Variants in RELL1 observed in about 807,000 individuals in gnomAD.
The protein encoded by RELL1 is RELT-like protein 1.
RELL1 carries 10 observed loss-of-function variants against 23.0 expected under a neutral mutation model. The ratio of observed to expected loss-of-function variants is 0.43; its 90% confidence interval spans 0.27 to 0.74. The LOEUF is 0.74. RELL1 is among the 30% of genes least tolerant of loss of function. The pLI is 0.19. For missense variants in RELL1, 315 were observed against 364.4 expected, an observed-to-expected ratio of 0.86 and a Z score of 1.10; for synonymous variants, 146 against 146.8, an observed-to-expected ratio of 0.99 and a Z score of 0.04.
At chr4:37,597,487 C>T (rs1718894421) in intron 6 of RELL1, among the ~76,000 whole-genome samples, 1 of 152,208 alleles carries the variant, frequency 6.6e-6, no homozygotes, top group African/African-American at 2.4e-5. Flanking sequence ...TCATTCTTTT[C>T]CATTCTCCAA....
rs184891455 is a variant in RELL1, at chr4:37,594,568, G to C, written c.*4-3351C>G. Among the ~76,000 whole-genome samples the C allele has an allele frequency of 5.4e-3, 815 of 152,208 alleles. 3 individuals are homozygous for C. The highest frequency in any genetic ancestry group is 8.7e-3 in the Non-Finnish European group (592 of 68,026). On this transcript the variant is annotated intron_variant, in intron 6 of 6. Transcript: ENST00000314117. ...AGTTAGATTTAACTTTTTACTGGGG[G>C]AAAATGAACTATCATATAAATATGA...
In RELL1 at chr4:37,646,432, C is replaced by T. The variant is rs539065487; in HGVS notation, c.385+936G>A. Among the ~76,000 whole-genome samples the T allele has an allele frequency of 1.4e-4, 22 of 152,118 alleles. No homozygotes were observed. The South Asian group carries it at 2.7e-3, about 19-fold the overall frequency. ...AAGCACAGCAGCAGCTGCCAGTGGA[C>T]GGGGGAGGAGGGAATGGGGAGTGGC... On this transcript the variant is annotated intron_variant, in intron 3 of 6. Coordinates refer to ENST00000454158, the MANE Select transcript of RELL1 (RefSeq NM_001085400.2).
chr4:37,608,501 A>G (rs1166724031), downstream of RELL1, among the ~76,000 whole-genome samples: 2 of 152,220 alleles, frequency 1.3e-5, no homozygotes, highest in Non-Finnish European at 2.9e-5. Context: ...CATTCCCTTA[A>G]GCCCAAGCCT....
At chr4:37,662,615 TC>T (rs1364790403) in intron 1 of RELL1, among the ~76,000 whole-genome samples, 1 of 151,306 alleles carries the variant, frequency 6.6e-6, no homozygotes, top group African/African-American at 2.4e-5. Context: ...AATATTACCA[TC>T]CCTGGCTTCA....
intron 6 of RELL1, among the ~76,000 whole-genome samples, chr4:37,600,007 C>T (rs1443057482): frequency 1.3e-5 from 2 of 152,242 alleles, no homozygotes; most frequent in African/African-American, 4.8e-5. Context: ...CAGTGGCTCA[C>T]GCCTGTAAAC....
intron 1 of RELL1, among the ~76,000 whole-genome samples, chr4:37,662,823 T>C (rs1721401979): frequency 6.7e-6 from 1 of 149,602 alleles, no homozygotes; most frequent in African/African-American, 2.5e-5. Context: ...TGGGAGGAAA[T>C]TAACTCTAGG....
intron 6 of RELL1, among the ~76,000 whole-genome samples, chr4:37,604,828 CACATACACACAG>C (rs1719123164): frequency 1.2e-4 from 9 of 73,290 alleles, no homozygotes; most frequent in African/African-American, 4.5e-4. Context: ...CACAGACACA[CACATACACACAG>C]ACACACACAC....
At chr4:37,610,124 A>G (rs969668979), downstream of RELL1, among the ~76,000 whole-genome samples, 2 of 152,202 alleles carry the variant, frequency 1.3e-5, no homozygotes, top group African/African-American at 2.4e-5. The surrounding 1 kb of genome is among the most constrained non-coding windows in gnomAD (Gnocchi z 4.1). Flanking sequence ...AGAAATTGCC[A>G]CAGCCACCCC....
At chr4:37,638,425 G>C in intron 4 of RELL1, 22 bp downstream of exon 4, 1 of 1,591,072 alleles carries the variant, frequency 6.3e-7, no homozygotes, top group Non-Finnish European at 8.6e-7. Flanking sequence ...GTCGCACTAA[G>C]AAAGAGGGGA....
chr4:37,634,594 A>C (rs1043026630), intron 5 of RELL1, among the ~76,000 whole-genome samples: 2 of 152,242 alleles, frequency 1.3e-5, no homozygotes, highest in Non-Finnish European at 2.9e-5. Context: ...TGGATTCCAT[A>C]AGTGAAATAT....
At position 37,669,507 on chromosome 4, in the gene RELL1, C is replaced by T. The variant is rs1288459489; in HGVS notation, c.88+16693G>A. Among the ~76,000 whole-genome samples the T allele has an allele frequency of 5.3e-5, 8 of 151,964 alleles. No individual in the cohort carries two copies. The South Asian group carries it at 1.7e-3, about 32-fold the overall frequency. On this transcript the variant is annotated intron_variant, in intron 1 of 6. Transcript: ENST00000454158. ...CTGGGAAGTGAGGAGCCCCTCTGCC[C>T]GGCCACCACCCTGTCTGGGAGGTGT... is the stretch of plus-strand genomic sequence containing the variant.
At chr4:37,590,759 TGAG>T (rs1201951766), downstream of RELL1, 1 of 1,613,750 alleles carries the variant, frequency 6.2e-7, no homozygotes, top group South Asian at 1.1e-5. Flanking sequence ...CCCTTCTCTG[TGAG>T]GAGAAGCTGG....
At position 37,590,940 on chromosome 4, in the gene RELL1, G is replaced by A. The variant is rs77303565; in HGVS notation, c.*281C>T. The A allele has an allele frequency of 1.4e-3, 2,311 of 1,614,104 alleles. 17 individuals are homozygous for A. In the African/African-American group the frequency reaches 0.021, roughly 15 times the overall value. The stretch of plus-strand genomic sequence containing the variant: ...TTGTGGACGAGGATGCAGCGGTGGC[G>A]GAGGCCCTTGCAGCTTTAGAAGCTG... On this transcript the variant is annotated 3_prime_UTR_variant, in exon 7 of 7. Coordinates refer to the RELL1 transcript ENST00000314117.
chr4:37,650,461 G>A (rs912175364), intron 1 of RELL1, among the ~76,000 whole-genome samples: 2 of 152,130 alleles, frequency 1.3e-5, no homozygotes, highest in African/African-American at 4.8e-5. Context: ...CTTGAGGCTC[G>A]TATATGATGG....
At position 37,619,862 on chromosome 4, in the gene RELL1, C is replaced by T. The variant is rs902571846; in HGVS notation, c.*4-6520G>A. ...CTGGGATTACAGGTGTGAGCTACCT[C>T]CTCATTTTGGATGTGAGTTATATGG... On this transcript the variant is annotated intron_variant, in intron 6 of 6. Transcript: ENST00000454158. Among the ~76,000 whole-genome samples the T allele has an allele frequency of 1.2e-4, 18 of 152,332 alleles. No homozygotes were observed. The East Asian group carries it at 2.5e-3, about 21-fold the overall frequency.
At chr4:37,609,646 A>C (rs757754484), downstream of RELL1, among the ~76,000 whole-genome samples, 16 of 152,232 alleles carry the variant, frequency 1.1e-4, no homozygotes, top group Non-Finnish European at 1.6e-4. Context: ...AGGAGGTAAA[A>C]ATAGAGACAT....
At chr4:37,607,047 A>C (rs1004109560), downstream of RELL1, among the ~76,000 whole-genome samples, 1 of 152,198 alleles carries the variant, frequency 6.6e-6, no homozygotes, top group African/African-American at 2.4e-5. Context: ...CCTCCGTCTA[A>C]TCACAAGAAT....
chr4:37,652,865 T>C (rs1201959544), intron 1 of RELL1, among the ~76,000 whole-genome samples: 1 of 152,174 alleles, frequency 6.6e-6, no homozygotes, highest in East Asian at 1.9e-4. Flanking sequence ...AGAGGCAATA[T>C]AGCACTCAGA....
At chr4:37,682,048 G>C (rs1003390569) in intron 1 of RELL1, among the ~76,000 whole-genome samples, 5 of 152,172 alleles carry the variant, frequency 3.3e-5, no homozygotes, top group African/African-American at 1.2e-4. Context: ...GCTTACACAT[G>C]AGTGACTTTT....
Sources: gnomAD v4.1 joint callset for allele counts (sites outside exome capture counted in the v4.1 genomes callset) on GRCh38, gnomAD v4.1.1 for gene constraint, Gnocchi (gnomAD v3.1) non-coding constraint, MANE v1.5 for transcripts, NCBI Gene and HGNC (gene_info 2026-07-23, HGNC 2026-07-21) for gene names.